ROBO1: variants seen among roughly 807,000 people sequenced by gnomAD.
The protein encoded by ROBO1 is roundabout guidance receptor 1.
Under a neutral mutation model 195.9 loss-of-function variants are expected in ROBO1, and 149 were observed. The ratio of observed to expected loss-of-function variants is 0.76; its 90% CI spans 0.67 to 0.87. The LOEUF (loss-of-function observed/expected upper bound fraction) is 0.87. Among genes scored for constraint, ROBO1 ranks in the 40% least tolerant of loss-of-function variants. The pLI is 0.00. For missense variants in ROBO1, 1,933 were observed against 2,068.3 expected (o/e 0.93, Z 1.27); for synonymous variants, 816 against 733.2 (o/e 1.11, Z -1.82).
At chr3:79,015,926 G>T (rs2077920703) in intron 3 of ROBO1, among the ~76,000 whole-genome samples, 1 of 152,128 alleles carries the variant, frequency 6.6e-6, no homozygotes, top group Non-Finnish European at 1.5e-5. Flanking sequence ...AAGAAAAAAA[G>T]AACTGACAAC....
chr3:78,885,412 TAAAAAAAAAAA>T (rs59912706), intron 4 of ROBO1, among the ~76,000 whole-genome samples: 15 of 53,676 alleles, frequency 2.8e-4, no homozygotes, highest in East Asian at 1.6e-3. Flanking sequence ...AATTTAAAAC[TAAAAAAAAAAA>T]AAAAAAAAAA....
Position 79,633,118 on chromosome 3 carries a change from T to A in ROBO1, c.-50-43157A>T, listed in dbSNP as rs575062230. On this transcript the variant is annotated intron_variant, in intron 1 of 30. Coordinates refer to ENST00000464233, the MANE Select transcript of ROBO1 (RefSeq NM_002941.4). ...CAACATGAAATTTGGCAGTAGAAAGTTTCGTATAGAAACATATATTATAAG... is the reference window on the plus strand; with the variant it reads ...CAACATGAAATTTGGCAGTAGAAAGATTCGTATAGAAACATATATTATAAG... Among the ~76,000 whole-genome samples the A allele has an allele frequency of 2.0e-5, 3 of 151,844 alleles. No homozygotes were observed. The East Asian group carries it at 5.8e-4, about 29-fold the overall frequency.
chr3:79,335,706 A>G (rs2034638297), intron 2 of ROBO1, among the ~76,000 whole-genome samples: 1 of 152,286 alleles, frequency 6.6e-6, no homozygotes, highest in African/African-American at 2.4e-5. Context: ...GTAAATTGGT[A>G]CCGCAGAGAG....
chr3:78,680,369 A>C (rs2080867361), intron 10 of ROBO1, among the ~76,000 whole-genome samples: 1 of 152,202 alleles, frequency 6.6e-6, no homozygotes, highest in Admixed American at 6.5e-5. Context: ...GCACAGCAAA[A>C]GAAACTACCA....
At chr3:78,669,118 GCTGGAACGAA>G (rs1197128584) in intron 11 of ROBO1, among the ~76,000 whole-genome samples, 1 of 152,098 alleles carries the variant, frequency 6.6e-6, no homozygotes, top group Non-Finnish European at 1.5e-5. Context: ...CCAAACTCAA[GCTGGAACGAA>G]CACTCTCGCT....
At chr3:79,473,412 C>T (rs1938387291) in intron 2 of ROBO1, among the ~76,000 whole-genome samples, 1 of 152,098 alleles carries the variant, frequency 6.6e-6, no homozygotes, top group South Asian at 2.1e-4. Flanking sequence ...TGGGTAAAAA[C>T]AAGAACACTA....
chr3:79,523,775 A>T (rs1234145613), intron 2 of ROBO1, among the ~76,000 whole-genome samples: 4 of 152,166 alleles, frequency 2.6e-5, no homozygotes, highest in African/African-American at 9.6e-5. Flanking sequence ...CGCTCGGCCT[A>T]GACTTTGCAT....
chr3:78,716,210 T>C (rs1051127414), intron 7 of ROBO1, among the ~76,000 whole-genome samples: 7 of 152,200 alleles, frequency 4.6e-5, no homozygotes, highest in African/African-American at 1.7e-4. Flanking sequence ...TACCTTTATG[T>C]GACAAAAGAG....
At chr3:79,576,378 A>G (rs1049032463) in intron 2 of ROBO1, among the ~76,000 whole-genome samples, 13 of 152,000 alleles carry the variant, frequency 8.6e-5, no homozygotes, top group African/African-American at 2.9e-4. Context: ...AATCCTGTCC[A>G]TATTTCCAAA....
chr3:79,603,215 G>T (rs1944388362), intron 1 of ROBO1, among the ~76,000 whole-genome samples: 1 of 151,970 alleles, frequency 6.6e-6, no homozygotes, highest in African/African-American at 2.4e-5. Context: ...TTCACATTCT[G>T]CTTTAATGGA....
intron 29 of ROBO1, among the ~76,000 whole-genome samples, chr3:78,603,050 C>A (rs181120203): frequency 6.6e-6 from 1 of 152,270 alleles, no homozygotes; most frequent in East Asian, 1.9e-4. Flanking sequence ...CCCATTCTTG[C>A]TCCTATAACA....
At chr3:79,133,717 T>C (rs1420573133) in intron 2 of ROBO1, among the ~76,000 whole-genome samples, 2 of 115,022 alleles carry the variant, frequency 1.7e-5, no homozygotes, top group African/African-American at 6.9e-5. Flanking sequence ...CTTTGTTCCG[T>C]TGCTGGTGAG....
intron 4 of ROBO1, among the ~76,000 whole-genome samples, chr3:78,878,040 T>C (rs200975819): frequency 6.6e-6 from 1 of 152,138 alleles, no homozygotes; most frequent in Non-Finnish European, 1.5e-5. Context: ...CATCACCTTA[T>C]CAATTTTCAC....
intron 4 of ROBO1, among the ~76,000 whole-genome samples, chr3:78,878,196 A>G: frequency 6.6e-6 from 1 of 152,068 alleles, no homozygotes; most frequent in Non-Finnish European, 1.5e-5. Flanking sequence ...TTACTCCCAA[A>G]CCCACCTTCC....
chr3:78,859,768 T>G (rs2034673125), intron 4 of ROBO1, among the ~76,000 whole-genome samples: 1 of 152,070 alleles, frequency 6.6e-6, no homozygotes, highest in South Asian at 2.1e-4. Flanking sequence ...GGAAATAAAG[T>G]CAGCTTAAGT....
intron 2 of ROBO1, among the ~76,000 whole-genome samples, chr3:79,473,607 A>G (rs1938399107): frequency 6.6e-6 from 1 of 152,114 alleles, no homozygotes; most frequent in Admixed American, 6.6e-5. Context: ...GTATACAACA[A>G]AATTATTTTC....
intron 1 of ROBO1, among the ~76,000 whole-genome samples, chr3:79,647,079 C>G (rs1356579472): frequency 2.0e-5 from 3 of 151,456 alleles, no homozygotes; most frequent in African/African-American, 7.3e-5. Context: ...TCTAGCATAA[C>G]AAAAAGAAAA....
At chr3:79,658,368 T>C (rs1266696987) in intron 1 of ROBO1, among the ~76,000 whole-genome samples, 1 of 152,104 alleles carries the variant, frequency 6.6e-6, no homozygotes, top group East Asian at 1.9e-4. Context: ...TGTTATAAAC[T>C]CATAAGCATG....
In ROBO1 at chr3:78,617,907, TC is replaced by T; in HGVS notation, c.4009del (p.Glu1337ArgfsTer2). 1 of 1,614,004 alleles carries T rather than the reference TC, an allele frequency of 6.2e-7. No homozygotes were observed. Among genetic ancestry groups the T allele is most frequent in the Non-Finnish European group, 8.5e-7 (1 of 1,179,878 alleles). On this transcript the variant is annotated frameshift_variant, in exon 27 of 31. Transcript: ENST00000464233. LOFTEE classifies it high-confidence loss of function. ...CCTTCTGGTTTGCATCTTGGCTACC[TC>T]CATGTCGGCTTCGTCTTCTTCCTCT... is the stretch of plus-strand genomic sequence containing the variant. ...PEEEEDEADM[E>X]VAKMQTRRLL...
Sources: gnomAD v4.1 joint callset for allele counts (sites outside exome capture counted in the v4.1 genomes callset) on GRCh38, gnomAD v4.1.1 for gene constraint, MANE v1.5 for transcripts, NCBI Gene and HGNC (gene_info 2026-07-23, HGNC 2026-07-21) for gene names.